The following CACNA1F variants were observed in gnomAD, a reference collection of about 807,000 sequenced individuals.
CACNA1F encodes the protein calcium voltage-gated channel subunit alpha1 F.
In CACNA1F, 59 loss-of-function variants were observed where a neutral mutation model predicts 143.8. The observed-to-expected ratio is 0.41, with a 90% CI of 0.33 to 0.51. The LOEUF (loss-of-function observed/expected upper bound fraction) is 0.51. Ranked by LOEUF, CACNA1F falls within the 20% of genes least tolerant of loss-of-function variation. CACNA1F has a pLI of 0.22. For missense variants in CACNA1F, 1,411 were observed against 1,647.5 expected (o/e 0.86, Z 2.48); for synonymous variants, 643 against 649.1 (o/e 0.99, Z 0.14).
rs1196830146 is a variant in CACNA1F, at chrX:49,230,206, G to T, written c.817+14C>A. 5.0e-6 allele frequency: 6 copies of T among 1,192,545 alleles called. No homozygotes were observed. The African/African-American group carries it at 7.0e-5, about 14-fold the overall frequency. ...AGGGGGCATGTTCTGCCTAGGAGGG[G>T]CGGGCAGACTAACCGGATCCCAGGA... On this transcript the variant is annotated intron_variant, in intron 6 of 47. Transcript: ENST00000323022.
At chrX:49,211,284 C>T (rs782785020) in intron 36 of CACNA1F, 38 bp downstream of exon 36, 60 of 1,202,701 alleles carry the variant, frequency 5.0e-5, no homozygotes, top group African/African-American at 7.0e-5. Context: ...GGCCAGCCCC[C>T]GTGACGGTGG....
chrX:49,230,448 C>T lies in CACNA1F; in HGVS notation c.664+19G>A. ...CACCCCCACCCTCCACCTCCGACCT[C>T]GGGGGATGTGCCACTCACTCGGGAC... On this transcript the variant is annotated intron_variant, in intron 5 of 47. Transcript: ENST00000323022. 8.3e-7 allele frequency: 1 copy of T among 1,208,722 alleles called. No individual in the cohort carries two copies. Among genetic ancestry groups the T allele is most frequent in the Non-Finnish European group, 1.1e-6 (1 of 894,073 alleles).
chrX:49,223,618 A>AAG (rs1557109277), intron 14 of CACNA1F, among the ~76,000 whole-genome samples: 5 of 100,573 alleles, frequency 5.0e-5, no homozygotes, highest in African/African-American at 2.0e-4. Context: ...AAAAAAAAAA[A>AAG]AAGAAGAAGA....
chrX:49,219,450 C>T lies in CACNA1F; in HGVS notation c.2544G>A (p.Pro848=). The T allele has an allele frequency of 1.7e-6, 2 of 1,207,840 alleles. No individual in the cohort carries two copies. The highest frequency in any genetic ancestry group is 5.9e-5 in the East Asian group (2 of 33,725). ...TGAGGGTGTGGCAGCCCTTCCTCAG[C>T]CTGTGGAGAGGGAGTGGGCCATGGT... ...SAFFCLSQTN[P]LRKGCHTLIH... Residue 848 remains proline, a splice_region_variant and synonymous_variant, in exon 21 of 48, where the codon CCG becomes CCA. Transcript: ENST00000323022.
intron 19 of CACNA1F, 106 bp downstream of exon 19, chrX:49,220,367 G>T: frequency 1.8e-6 from 1 of 571,410 alleles, no homozygotes; most frequent in Non-Finnish European, 3.0e-6. Flanking sequence ...GGATGATCTT[G>T]GAAAAGGCTG....
intron 45 of CACNA1F, 49 bp from the exon 46 acceptor site, chrX:49,206,672 C>T (rs1557104958): frequency 5.8e-6 from 7 of 1,207,647 alleles, no homozygotes; most frequent in Non-Finnish European, 7.8e-6. Context: ...CAGTGCTTCC[C>T]CAGATCTCTG....
At chrX:49,232,610 C>T (rs938422494) in intron 1 of CACNA1F, among the ~76,000 whole-genome samples, 31 of 111,655 alleles carry the variant, frequency 2.8e-4, no homozygotes, top group African/African-American at 9.1e-4. Context: ...TAAAATATAG[C>T]GGTGTTATGA....
rs782702242 is a variant in CACNA1F, at chrX:49,224,924, G to A, written c.1714C>T (p.Leu572=). 8 of 1,208,975 alleles carry A rather than the reference G, an allele frequency of 6.6e-6. No homozygotes were observed. In the East Asian group the frequency reaches 2.1e-4, roughly 31 times the overall value. ...TVEMLLKLYG[L]GPSAYVSSFF... Reference sequence around the variant, plus strand: ...GAAGACACATAGGCAGAGGGGCCCAGACCGTACAATTTGAGAAGCATCTCC... The same window carrying A: ...GAAGACACATAGGCAGAGGGGCCCAAACCGTACAATTTGAGAAGCATCTCC... The change falls in exon 14 of 48, where the codon CTG becomes TTG. Residue 572 remains leucine, a synonymous_variant. Transcript: ENST00000323022.
chrX:49,210,065 G>T (rs1557105843), intron 39 of CACNA1F, 23 bp from the exon 40 acceptor site: 3 of 1,090,486 alleles, frequency 2.8e-6, no homozygotes, highest in South Asian at 3.7e-5. Flanking sequence ...AGGATGTGGG[G>T]CATGAGCCAA....
chrX:49,229,896 C>G (rs1264468312), intron 6 of CACNA1F, among the ~76,000 whole-genome samples: 1 of 110,685 alleles, frequency 9.0e-6, no homozygotes, highest in Non-Finnish European at 1.9e-5. Flanking sequence ...GTGATCCGCC[C>G]GCCTCGGCCT....
In CACNA1F at chrX:49,205,703, C is replaced by T. The variant is rs1557104705; in HGVS notation, c.5583G>A (p.Leu1861=). ...GCACGTGCAGACAGGTGAAGGTGCGCAGTGGGCCACTGGATCTGCCGAGGT... is the reference window on the plus strand; with the variant it reads ...GCACGTGCAGACAGGTGAAGGTGCGTAGTGGGCCACTGGATCTGCCGAGGT... ...EGYLGRSSGP[L]RTFTCLHVPG... The change falls in exon 47 of 48, where the codon CTG becomes CTA. Residue 1861 remains leucine, a synonymous_variant. Coordinates refer to ENST00000323022, the MANE Select transcript of CACNA1F (RefSeq NM_001256789.3). 1.7e-6 allele frequency: 2 copies of T among 1,204,968 alleles called. No homozygotes were observed. The highest frequency in any genetic ancestry group is 2.2e-6 in the Non-Finnish European group (2 of 891,937).
chrX:49,216,855 C>T (rs1280848978), intron 26 of CACNA1F, among the ~76,000 whole-genome samples: 9 of 112,079 alleles, frequency 8.0e-5, no homozygotes, highest in Admixed American at 7.6e-4. Context: ...TCCTCATCAT[C>T]GCCCACCAGG....
intron 14 of CACNA1F, among the ~76,000 whole-genome samples, chrX:49,223,618 A>AAAAAAAAAG (rs1399389646): frequency 5.0e-5 from 5 of 100,585 alleles, no homozygotes; most frequent in African/African-American, 2.0e-4. Context: ...AAAAAAAAAA[A>AAAAAAAAAG]AAGAAGAAGA....
At chrX:49,223,734 CTTT>C (rs59224271) in intron 14 of CACNA1F, among the ~76,000 whole-genome samples, 1 of 70,784 alleles carries the variant, frequency 1.4e-5, no homozygotes, top group Non-Finnish European at 2.7e-5. Flanking sequence ...TTTTTCTTAT[CTTT>C]TTTTTTTTTT....
intron 42 of CACNA1F, 148 bp from the exon 43 acceptor site, chrX:49,208,832 TA>T: frequency 1.9e-6 from 1 of 518,614 alleles, no homozygotes. Flanking sequence ...CGTAAATAAA[TA>T]AATAAATATT....
chrX:49,210,227 G>A, intron 39 of CACNA1F, 74 bp downstream of exon 39: 1 of 790,978 alleles, frequency 1.3e-6, no homozygotes, highest in Admixed American at 2.2e-5. Flanking sequence ...AGCTAGGAGT[G>A]GGGCCCATGA....
intron 13 of CACNA1F, 23 bp downstream of exon 13, chrX:49,225,886 C>T (rs1390216452): frequency 3.8e-5 from 44 of 1,159,858 alleles, no homozygotes; most frequent in Non-Finnish European, 4.8e-5. Flanking sequence ...CTGGGGGAGA[C>T]GACTAGCAGG....
At chrX:49,205,977 G>A (rs1301887626) in intron 46 of CACNA1F, among the ~76,000 whole-genome samples, 164 bp from the exon 47 acceptor site, 8 of 111,793 alleles carry the variant, frequency 7.2e-5, no homozygotes, top group African/African-American at 2.6e-4. Flanking sequence ...AGGAGGCCTG[G>A]GTTTAAATGT....
In CACNA1F at chrX:49,220,477, T is replaced by C. The variant is rs2065764263; in HGVS notation, c.2382A>G (p.Gly794=). The change falls in exon 19 of 48, where the codon GGA becomes GGG. Residue 794 remains glycine (G), a synonymous_variant. Coordinates refer to ENST00000323022, the MANE Select transcript of CACNA1F (RefSeq NM_001256789.3). ...CACCTGGCCCTGCCCACTTGCCTGC[T>C]CCTTCCCTCCTTGCACCCTCCTCTT... ...KEEEEGARRE[G]ADMEEEEEEE... is the part of the protein sequence containing the mutation. 3 of 1,207,227 alleles carry C rather than the reference T, an allele frequency of 2.5e-6. No individual in the cohort carries two copies. The East Asian group carries it at 8.9e-5, about 36-fold the overall frequency.
Sources: gnomAD v4.1 joint callset for allele counts (sites outside exome capture counted in the v4.1 genomes callset) on GRCh38, gnomAD v4.1.1 for gene constraint, MANE v1.5 for transcripts, NCBI Gene and HGNC (gene_info 2026-07-23, HGNC 2026-07-21) for gene names.